TTN: variants seen among roughly 807,000 people sequenced by gnomAD.
TTN encodes connectin.
Under a neutral mutation model 3,223.0 loss-of-function variants are expected in TTN, and 1,525 were observed. The ratio of observed to expected loss-of-function variants is 0.47; its 90% CI spans 0.45 to 0.49. The LOEUF (loss-of-function observed/expected upper bound fraction) is 0.49. Ranked by LOEUF, TTN falls within the 20% of genes least tolerant of loss-of-function variation. TTN has a pLI of 0.00. For synonymous variants in TTN, 14,094 were observed against 15,161.0 expected, an observed-to-expected ratio of 0.93 and a Z score of 5.17; for missense variants, 40,786 against 43,424.0, an observed-to-expected ratio of 0.94 and a Z score of 5.40.
At chr2:178,720,734 A>C in intron 79 of TTN, 71 bp from the exon 80 acceptor site, 1 of 1,450,548 alleles carries the variant, frequency 6.9e-7, no homozygotes, top group Admixed American at 2.6e-5. Context: ...TAAATCTAGA[A>C]CCTTGAAGAG....
In TTN at chr2:178,672,117, C is replaced by A. The variant is rs1198361712; in HGVS notation, c.35081G>T (p.Gly11694Val). 6 of 1,611,262 alleles carry A rather than the reference C, an allele frequency of 3.7e-6. No homozygotes were observed. The African/African-American group carries it at 6.7e-5, about 18-fold the overall frequency. ...GAATTCTTCTACTTCATGAAACTCGCCTTCTTCAAAATATTCTTCAACTTC... is the reference window on the plus strand; with the variant it reads ...GAATTCTTCTACTTCATGAAACTCGACTTCTTCAAAATATTCTTCAACTTC... ...FHEVEEYFEE[G>V]EFHEVEEFIK... is the part of the protein sequence containing the mutation. Residue 11694 changes from glycine (G) to valine (V), a missense_variant, in exon 155 of 363, where the codon GGC (glycine) becomes GTC (valine). Gly to Val is a moderately radical substitution (Grantham distance 109, BLOSUM62 -3). Transcript: ENST00000589042.
chr2:178,678,358 G>A (rs1201190822), intron 144 of TTN, 56 bp downstream of exon 144: 3 of 1,508,832 alleles, frequency 2.0e-6, no homozygotes, highest in Non-Finnish European at 2.7e-6. Flanking sequence ...TTGTATGTGA[G>A]TATACATAGA....
Position 178,673,633 on chromosome 2 carries a change from C to A in TTN, c.34786G>T (p.Val11596Leu). The change falls in exon 152 of 363, where the codon GTG (valine) becomes TTG (leucine). Residue 11596 changes from valine to leucine, a missense_variant and splice_region_variant. Physicochemically the swap from Val to Leu is conservative, Grantham distance 32. Coordinates refer to ENST00000589042, the MANE Select transcript of TTN (RefSeq NM_001267550.2). The stretch of plus-strand genomic sequence containing the variant: ...TATTAATAATGAGGATTTGATATAC[C>A]TTTAGCTGGTGGTGCCTCCACTTTT... ...PKKVEAPPAK[V>L]SKKIPEEKVP... 6.3e-7 allele frequency: 1 copy of A among 1,586,338 alleles called. No individual in the cohort carries two copies. The highest frequency in any genetic ancestry group is 1.2e-5 in the South Asian group (1 of 84,028).
rs761459453 is a variant in TTN, at chr2:178,681,721, G to A, written c.33112C>T (p.Pro11038Ser). ...EYITEPEKPIPVKPVPEEPVP... is the reference protein window; with the variant it reads ...EYITEPEKPISVKPVPEEPVP... ...GGTTCTTCTGGGACAGGCTTTACAG[G>A]GATAGGCTTCTCTGGTTCTTTAAAA... Residue 11038 changes from proline to serine, a missense_variant, in exon 136 of 363, where the codon CCT becomes TCT. Transcript: ENST00000589042. 6.3e-6 allele frequency: 10 copies of A among 1,598,022 alleles called. No homozygotes were observed. The East Asian group carries it at 2.2e-4, about 36-fold the overall frequency.
At position 178,734,405 on chromosome 2, in the gene TTN, G is replaced by A. The variant is rs753106533; in HGVS notation, c.15419C>T (p.Ala5140Val). 2 of 1,613,540 alleles carry A rather than the reference G, an allele frequency of 1.2e-6. No homozygotes were observed. The highest frequency in any genetic ancestry group is 2.2e-5 in the South Asian group (2 of 91,008). The change falls in exon 52 of 363, where the codon GCA (alanine) becomes GTA (valine). Residue 5140 changes from alanine (A) to valine (V), a missense_variant. By Grantham distance (64) the Ala-to-Val change is moderately conservative (BLOSUM62 0). Transcript: ENST00000589042. ...VCLEIFSFNS[A>V]DVGEYECVVA... Reference sequence around the variant, plus strand: ...AACACATTCATATTCACCAACATCTGCACTATTAAACGAAAAGATCTCCAG... The same window carrying A: ...AACACATTCATATTCACCAACATCTACACTATTAAACGAAAAGATCTCCAG...
rs780475280 is a variant in TTN, at chr2:178,572,959, C to T, written c.73173G>A (p.Glu24391=). 6.2e-7 allele frequency: 1 copy of T among 1,613,234 alleles called. No individual in the cohort carries two copies. The highest frequency in any genetic ancestry group is 1.1e-5 in the South Asian group (1 of 91,056). ...ATSYTITGLT[E]NQEYKIRIYA... ...AGATGCGGATCTTATATTCCTGATT[C>T]TCTGTGAGGCCAGTGATAGTATACG... The change falls in exon 326 of 363, where the codon GAG becomes GAA. Residue 24391 remains glutamate, a synonymous_variant. Transcript: ENST00000589042.
intron 149 of TTN, chr2:178,675,366 T>C (rs1357596575): frequency 5.1e-6 from 2 of 388,870 alleles, no homozygotes; most frequent in African/African-American, 2.1e-5. Context: ...TGTCTTTTTT[T>C]TTTTTGTAGG....
intron 349 of TTN, chr2:178,541,840 G>A (rs1235773696): frequency 4.4e-6 from 1 of 225,034 alleles, no homozygotes; most frequent in African/African-American, 2.3e-5. Flanking sequence ...TGGGTATATT[G>A]CATGATGCTG....
chr2:178,650,847 T>C lies in TTN; in HGVS notation c.39626-13A>G. The C allele has an allele frequency of 6.3e-7, 1 of 1,589,198 alleles. No homozygotes were observed. The highest frequency in any genetic ancestry group is 8.6e-7 in the Non-Finnish European group (1 of 1,166,254). ...GGCACTTCTGGCACTTTAAAGATAT[T>C]AATTCATTTTTCTTATGAGTAGTTG... On this transcript the variant is annotated splice_polypyrimidine_tract_variant and intron_variant, in intron 208 of 362. Coordinates refer to ENST00000589042, the MANE Select transcript of TTN (RefSeq NM_001267550.2).
In TTN at chr2:178,545,519, T is replaced by C; in HGVS notation, c.95591A>G (p.Tyr31864Cys). 5.0e-6 allele frequency: 8 copies of C among 1,613,702 alleles called. No individual in the cohort carries two copies. Among genetic ancestry groups the C allele is most frequent in the South Asian group, 3.3e-5 (3 of 91,072 alleles). ...WTRVNKDYVV[Y>C]DTRLKVTSLM... Reference sequence around the variant, plus strand: ...GCTGGTCACCTTCAGCCTGGTATCATACACCACATAGTCTTTGTTGACACG... The same window carrying C: ...GCTGGTCACCTTCAGCCTGGTATCACACACCACATAGTCTTTGTTGACACG... Residue 31864 changes from tyrosine (Y) to cysteine (C), a missense_variant, in exon 344 of 363, where the codon TAT (tyrosine) becomes TGT (cysteine). Physicochemically the swap from Tyr to Cys is radical, Grantham distance 194. Coordinates refer to ENST00000589042, the MANE Select transcript of TTN (RefSeq NM_001267550.2).
rs1409834543 is a variant in TTN, at chr2:178,618,240, T to C, written c.47218A>G (p.Thr15740Ala). Residue 15740 changes from threonine (T) to alanine (A), a missense_variant, in exon 252 of 363, where the codon ACT becomes GCT. Thr to Ala is a moderately conservative substitution (Grantham distance 58). Transcript: ENST00000589042. ...TTGTCAGTTTCTACTGGCTCACCAG[T>C]GCCAACTCTGTTTCTTGCACTCACA... Reference protein sequence around the residue: ...FRVSARNRVGTGEPVETDNPV... With the variant: ...FRVSARNRVGAGEPVETDNPV... 3.7e-6 allele frequency: 6 copies of C among 1,612,874 alleles called. No homozygotes were observed. The South Asian group carries it at 6.6e-5, about 18-fold the overall frequency.
chr2:178,599,882 G>A (rs1576257412), intron 288 of TTN, 32 bp from the exon 289 acceptor site: 6 of 1,520,134 alleles, frequency 3.9e-6, no homozygotes, highest in Middle Eastern at 1.8e-4. Flanking sequence ...GTCATTAGGA[G>A]CAAAAAGCAT....
Position 178,585,108 on chromosome 2 carries a change from C to T in TTN, c.64636G>A (p.Gly21546Arg). Reference sequence around the variant, plus strand: ...ACTTTGATTTTCTGAGTGTCTGTCCCAGAACTGTTCTCTGCTGTGAGGCTG... The same window carrying T: ...ACTTTGATTTTCTGAGTGTCTGTCCTAGAACTGTTCTCTGCTGTGAGGCTG... Reference protein sequence around the residue: ...YYSLTAENSSGTDTQKIKVVV... With the variant: ...YYSLTAENSSRTDTQKIKVVV... Residue 21546 changes from glycine to arginine, a missense_variant, in exon 309 of 363, where the codon GGG becomes AGG. By Grantham distance (125) the Gly-to-Arg change is moderately radical. Coordinates refer to ENST00000589042, the MANE Select transcript of TTN (RefSeq NM_001267550.2). The T allele has an allele frequency of 1.9e-6, 3 of 1,611,716 alleles. No homozygotes were observed. The highest frequency in any genetic ancestry group is 2.5e-6 in the Non-Finnish European group (3 of 1,178,596).
intron 50 of TTN, among the ~76,000 whole-genome samples, chr2:178,735,267 T>C (rs1471117198): frequency 6.6e-6 from 1 of 152,188 alleles, no homozygotes; most frequent in Non-Finnish European, 1.5e-5. Flanking sequence ...GAGTTTTTTC[T>C]TAGAAGAAAT....
In TTN at chr2:178,784,110, C is replaced by T. The variant is rs766770644; in HGVS notation, c.2735G>A (p.Arg912His). The T allele has an allele frequency of 1.7e-5, 27 of 1,613,882 alleles. No homozygotes were observed. Among genetic ancestry groups the T allele is most frequent in the African/African-American group, 5.3e-5 (4 of 74,908 alleles). Reference protein sequence around the residue: ...VGVSITGTTVREERFEVLHGR... With the variant: ...VGVSITGTTVHEERFEVLHGR... ...GTGCAGTACTTCAAAGCGCTCTTCA[C>T]GGACGGTGGTGCCAGTGATGCTCAC... Residue 912 changes from arginine (R) to histidine (H), a missense_variant, in exon 16 of 363, where the codon CGT becomes CAT. Transcript: ENST00000589042.
intron 34 of TTN, 163 bp from the exon 35 acceptor site, chr2:178,770,838 G>C: frequency 1.0e-6 from 1 of 954,440 alleles, no homozygotes. Context: ...GATTATTTAG[G>C]GGAACCTGGG....
chr2:178,556,743 T>G lies in TTN; in HGVS notation c.88306+105A>C, dbSNP rs16866397. ...CCATAATTTCTTCCAAAAACCCCAT[T>G]AAGGCACAGAGTAAAAGTTATTCTA... On this transcript the variant is annotated intron_variant, in intron 330 of 362. Coordinates refer to ENST00000589042, the MANE Select transcript of TTN (RefSeq NM_001267550.2). 212,811 of 1,355,754 alleles carry G rather than the reference T, an allele frequency of 0.16. 19,343 individuals are homozygous for G. The highest frequency in any genetic ancestry group is 0.44 in the East Asian group (17,735 of 40,716). 84.0% of individuals were successfully genotyped at this position (1,355,754 alleles called of 1,614,324 possible). A position where few individuals can be genotyped will look rare whatever the true frequency, so the allele number is the denominator to read the frequency against.
chr2:178,766,555 C>T lies in TTN; in HGVS notation c.9529G>A (p.Ala3177Thr). 1.2e-6 allele frequency: 2 copies of T among 1,614,072 alleles called. No homozygotes were observed. Among genetic ancestry groups the T allele is most frequent in the Non-Finnish European group, 1.7e-6 (2 of 1,179,986 alleles). Residue 3177 changes from alanine to threonine, a missense_variant, in exon 41 of 363, where the codon GCC becomes ACC. Physicochemically the swap from Ala to Thr is moderately conservative, Grantham distance 58. Coordinates refer to ENST00000589042, the MANE Select transcript of TTN (RefSeq NM_001267550.2). ...TCAATGCCATCTTTATACCAGTGGG[C>T]ATCAACATCGTCTTCATTGACCTCA... Reference protein sequence around the residue: ...EFEVNEDDVDAHWYKDGIEIN... With the variant: ...EFEVNEDDVDTHWYKDGIEIN...
In TTN at chr2:178,731,195, T is replaced by C. The variant is rs750512727; in HGVS notation, c.17470A>G (p.Thr5824Ala). The C allele has an allele frequency of 1.9e-6, 3 of 1,613,012 alleles. No individual in the cohort carries two copies. Among genetic ancestry groups the C allele is most frequent in the Admixed American group, 1.7e-5 (1 of 59,944 alleles). ...SALLSVKEPA[T>A]ITEEAVSIDV... ...ATAGACACAGCTTCCTCGGTGATTG[T>C]TGCAGGTTCTGTAGAAAACAAAGGG... The change falls in exon 60 of 363, where the codon ACA becomes GCA. Residue 5824 changes from threonine to alanine, a missense_variant. Physicochemically the swap from Thr to Ala is moderately conservative, Grantham distance 58. Transcript: ENST00000589042.
Sources: allele counts gnomAD v4.1 joint callset (sites outside exome capture counted in the v4.1 genomes callset), GRCh38; gene constraint gnomAD v4.1.1; transcripts MANE v1.5; gene names NCBI Gene and HGNC (gene_info 2026-07-23, HGNC 2026-07-21).